DGLUCY: variants seen among roughly 807,000 people sequenced by gnomAD.
DGLUCY encodes the protein D-glutamate cyclase, mitochondrial.
A neutral mutation model predicts 58.5 loss-of-function variants in DGLUCY; 58 were observed. The ratio of observed to expected loss-of-function variants is 0.99; its 90% CI spans 0.80 to 1.23. The LOEUF (loss-of-function observed/expected upper bound fraction) is 1.23, where lower values mean the gene tolerates loss of function less well. Among genes scored for constraint, DGLUCY ranks in the 50% most tolerant of loss-of-function variants. DGLUCY has a pLI of 0.00. For missense variants in DGLUCY, 779 were observed against 784.7 expected, an observed-to-expected ratio of 0.99 and a Z score of 0.09; for synonymous variants, 325 against 314.1, an observed-to-expected ratio of 1.03 and a Z score of -0.37.
intron 4 of DGLUCY, among the ~76,000 whole-genome samples, chr14:91,168,894 C>G (rs891853124): frequency 6.6e-6 from 1 of 152,178 alleles, no homozygotes; most frequent in African/African-American, 2.4e-5. Flanking sequence ...CGAGACCAGC[C>G]TGGCCAACGC....
chr14:91,090,017 A>G (rs1159656970), intron 1 of DGLUCY, among the ~76,000 whole-genome samples: 1 of 152,142 alleles, frequency 6.6e-6, no homozygotes, highest in Non-Finnish European at 1.5e-5. Context: ...TCATGGGACA[A>G]TCTGTCCACC....
chr14:91,104,061 CTTT>C (rs1293827774), upstream of DGLUCY, among the ~76,000 whole-genome samples: 48 of 9,512 alleles, frequency 5.0e-3, 1 homozygote, highest in South Asian at 9.3e-3. Flanking sequence ...TGAAAACATT[CTTT>C]TTTTTTTTTT....
At chr14:91,205,606 G>A (rs781151391) in intron 12 of DGLUCY, among the ~76,000 whole-genome samples, 7 of 152,082 alleles carry the variant, frequency 4.6e-5, no homozygotes, top group Non-Finnish European at 1.0e-4. Flanking sequence ...AACTCCAGGC[G>A]ACCCAGTGGT....
intron 1 of DGLUCY, among the ~76,000 whole-genome samples, chr14:91,144,942 G>A (rs989898725): frequency 3.3e-5 from 5 of 152,130 alleles, no homozygotes; most frequent in East Asian, 3.8e-4. Flanking sequence ...GGGAGCCTGC[G>A]GGGCCTCAGG....
intron 1 of DGLUCY, among the ~76,000 whole-genome samples, chr14:91,086,918 A>AT (rs1285399480): frequency 6.6e-6 from 1 of 151,920 alleles, no homozygotes; most frequent in African/African-American, 2.4e-5. Context: ...CACCTGGCTA[A>AT]TTTTTTGTAT....
rs1884690674 is a variant in DGLUCY, at chr14:91,206,296, G to A, written c.1564+1471G>A. Reference sequence around the variant, plus strand: ...AGTCCAGGGCACAGGCTTACTAAAAGGCAGAGACCTAATCATAGGACTGCA... The same window carrying A: ...AGTCCAGGGCACAGGCTTACTAAAAAGCAGAGACCTAATCATAGGACTGCA... On this transcript the variant is annotated intron_variant, in intron 12 of 13. Transcript: ENST00000256324. 2.6e-5 allele frequency among the ~76,000 whole-genome samples: 4 copies of A among 152,208 alleles called. No individual in the cohort carries two copies. The South Asian group carries it at 6.2e-4, about 24-fold the overall frequency.
intron 8 of DGLUCY, among the ~76,000 whole-genome samples, chr14:91,187,806 C>T (rs1349264872): frequency 1.3e-5 from 2 of 152,196 alleles, no homozygotes; most frequent in Non-Finnish European, 2.9e-5. Flanking sequence ...TGCTGAGCCC[C>T]AGTTGCCTTT....
chr14:91,121,609 AAATAAT>A (rs55743510), intron 1 of DGLUCY, among the ~76,000 whole-genome samples: 55,306 of 142,570 alleles, frequency 0.39, 11,933 homozygotes, highest in Non-Finnish European at 0.48. Flanking sequence ...TCCATCTCAA[AAATAAT>A]AATAATAATA....
chr14:91,165,405 G>A (rs2048221483), intron 3 of DGLUCY: 1 of 392,030 alleles, frequency 2.6e-6, no homozygotes, highest in African/African-American at 2.1e-5. Flanking sequence ...CCACAGCCTG[G>A]GTTCACACAG....
chr14:91,070,711 C>T (rs930828401), intron 1 of DGLUCY, among the ~76,000 whole-genome samples: 1 of 152,096 alleles, frequency 6.6e-6, no homozygotes, highest in African/African-American at 2.4e-5. Context: ...AAGAAATAAA[C>T]ATAATCATAA....
At chr14:91,096,706 G>A (rs879176273) in intron 1 of DGLUCY, among the ~76,000 whole-genome samples, 55 of 152,052 alleles carry the variant, frequency 3.6e-4, no homozygotes, top group Admixed American at 3.5e-3. Flanking sequence ...TTGTTCCTCC[G>A]ACTTCTGCAC....
At chr14:91,071,435 G>A (rs2401953) in intron 1 of DGLUCY, among the ~76,000 whole-genome samples, 43,097 of 150,914 alleles carry the variant, frequency 0.29, 6,229 homozygotes, top group Middle Eastern at 0.32. Context: ...AGTTTTTTAC[G>A]TTGAAATTAT....
intron 1 of DGLUCY, among the ~76,000 whole-genome samples, chr14:91,102,523 G>GTGGCATTGAGGGTAGAGGCAGATGTGAA (rs2044505129): frequency 1.3e-5 from 2 of 152,070 alleles, no homozygotes; most frequent in South Asian, 4.1e-4. Context: ...CAAAAGGAAA[G>GTGGCATTGAGGGTAGAGGCAGATGTGAA]TGGCATTGAG....
At chr14:91,099,643 A>G (rs889791548) in intron 1 of DGLUCY, among the ~76,000 whole-genome samples, 1 of 151,980 alleles carries the variant, frequency 6.6e-6, no homozygotes, top group Non-Finnish European at 1.5e-5. Context: ...AATTATTCCC[A>G]CTCAGTTCTG....
At chr14:91,085,172 T>C (rs1345873454) in intron 1 of DGLUCY, among the ~76,000 whole-genome samples, 3 of 149,392 alleles carry the variant, frequency 2.0e-5, no homozygotes, top group Non-Finnish European at 4.4e-5. Context: ...CAGTGAGCCA[T>C]GTTCACACCA....
intron 1 of DGLUCY, among the ~76,000 whole-genome samples, chr14:91,121,623 AT>A (rs2045369088): frequency 7.1e-6 from 1 of 139,934 alleles, no homozygotes; most frequent in Non-Finnish European, 1.6e-5. Flanking sequence ...AATAATAATA[AT>A]AATAATAATA....
rs765375231 is a variant in DGLUCY at position 91,156,116 on chromosome 14, C to CT, written c.-81-1508dup. 5.5e-3 allele frequency among the ~76,000 whole-genome samples: 782 copies of CT among 141,980 alleles called. 9 individuals are homozygous for CT. Among genetic ancestry groups the CT allele is most frequent in the East Asian group, 0.013 (64 of 4,950 alleles). 93.1% of individuals were successfully genotyped at this position (141,980 alleles called of 152,430 possible). On this transcript the variant is annotated intron_variant, in intron 1 of 13. Coordinates refer to ENST00000256324, the MANE Select transcript of DGLUCY (RefSeq NM_001102368.3). ...ATAAGGTGTGTAGGGTAGCCTCATT[C>CT]TTTTTTTTTTTTTTTGAGATGGAGT...
chr14:91,175,104 G>A (rs749280691), intron 6 of DGLUCY, among the ~76,000 whole-genome samples: 3 of 152,120 alleles, frequency 2.0e-5, no homozygotes, highest in Non-Finnish European at 2.9e-5. Context: ...CTCTTTGTCC[G>A]GAGATTTGAG....
intron 1 of DGLUCY, among the ~76,000 whole-genome samples, chr14:91,075,916 C>G (rs1244680611): frequency 6.6e-6 from 1 of 152,156 alleles, no homozygotes; most frequent in Non-Finnish European, 1.5e-5. Flanking sequence ...AGTTCGAGAC[C>G]AGCCAGGCCA....
Sources: allele counts gnomAD v4.1 joint callset (sites outside exome capture counted in the v4.1 genomes callset), GRCh38; gene constraint gnomAD v4.1.1; transcripts MANE v1.5; gene names NCBI Gene and HGNC (gene_info 2026-07-23, HGNC 2026-07-21).